Variants in PPP1R9A observed in about 807,000 individuals in gnomAD.
PPP1R9A encodes the protein protein phosphatase 1 regulatory subunit 9A, also known as neurabin-1.
In PPP1R9A, 59 loss-of-function variants were observed where a neutral mutation model predicts 141.9. The ratio of observed to expected loss-of-function variants is 0.42; its 90% CI spans 0.34 to 0.52. The LOEUF is 0.52. Ranked by LOEUF, PPP1R9A falls within the 20% of genes least tolerant of loss-of-function variation. The pLI, the probability that PPP1R9A is intolerant of heterozygous loss-of-function variation, is 0.10. For synonymous variants in PPP1R9A, 500 were observed against 569.7 expected, an observed-to-expected ratio of 0.88 and a Z score of 1.74; for missense variants, 1,444 against 1,611.9, an observed-to-expected ratio of 0.90 and a Z score of 1.78.
intron 2 of PPP1R9A, among the ~76,000 whole-genome samples, chr7:94,954,102 C>T (rs76095853): frequency 1.3e-5 from 2 of 151,374 alleles, no homozygotes; most frequent in East Asian, 1.9e-4. Flanking sequence ...GGGTTTTTTC[C>T]TTCTATTTTA....
At position 95,206,764 on chromosome 7, in the gene PPP1R9A, T is replaced by G. The variant is rs1293127163; in HGVS notation, c.1956+3034T>G. Among the ~76,000 whole-genome samples, 2 of 152,228 alleles carry G rather than the reference T, an allele frequency of 1.3e-5. 1 individual carries two copies. On this transcript the variant is annotated intron_variant, in intron 7 of 19. Coordinates refer to ENST00000433360, the MANE Select transcript of PPP1R9A (RefSeq NM_001166160.2). ...GAACTGCTTCTTTCACTCATCATAATGTCATAATTATCGTTAATGCTTAAA... is the reference window on the plus strand; with the variant it reads ...GAACTGCTTCTTTCACTCATCATAAGGTCATAATTATCGTTAATGCTTAAA...
At chr7:95,234,688 G>A (rs1175501744) in intron 8 of PPP1R9A, among the ~76,000 whole-genome samples, 2 of 151,968 alleles carry the variant, frequency 1.3e-5, no homozygotes, top group African/African-American at 2.4e-5. Context: ...AAATTCATAT[G>A]GAACCAAAAA....
chr7:94,951,736 C>G (rs1485574573), intron 2 of PPP1R9A, among the ~76,000 whole-genome samples: 1 of 151,828 alleles, frequency 6.6e-6, no homozygotes, highest in Non-Finnish European at 1.5e-5. Flanking sequence ...CTAGAATGAC[C>G]TGAGGAATGT....
At chr7:95,095,102 T>A (rs1330429482) in intron 2 of PPP1R9A, among the ~76,000 whole-genome samples, 1 of 152,048 alleles carries the variant, frequency 6.6e-6, no homozygotes, top group Non-Finnish European at 1.5e-5. Context: ...TGAGGTGCTA[T>A]CAAGTCACCT....
chr7:95,261,898 G>A (rs771604232), intron 12 of PPP1R9A, among the ~76,000 whole-genome samples: 9 of 152,058 alleles, frequency 5.9e-5, no homozygotes, highest in Non-Finnish European at 1.3e-4. Flanking sequence ...ATTTTCTAAT[G>A]CTTTACATAA....
chr7:95,221,919 G>A (rs575041256), intron 7 of PPP1R9A, among the ~76,000 whole-genome samples: 3 of 152,138 alleles, frequency 2.0e-5, no homozygotes, highest in South Asian at 4.1e-4. Context: ...TAAAAGATGA[G>A]CAAATAAATG....
intron 2 of PPP1R9A, among the ~76,000 whole-genome samples, chr7:95,012,802 CA>C (rs1804608625): frequency 6.6e-6 from 1 of 152,146 alleles, no homozygotes; most frequent in African/African-American, 2.4e-5. Flanking sequence ...AAGTAGATTA[CA>C]TTAATATGTA....
intron 2 of PPP1R9A, among the ~76,000 whole-genome samples, chr7:95,023,419 A>G (rs1479096850): frequency 6.6e-6 from 1 of 152,074 alleles, no homozygotes. Context: ...TCTTTTCAAA[A>G]ATGCAGCTCC....
At chr7:95,234,380 A>G (rs1182844293) in intron 8 of PPP1R9A, among the ~76,000 whole-genome samples, 1 of 152,192 alleles carries the variant, frequency 6.6e-6, no homozygotes, top group Non-Finnish European at 1.5e-5. Context: ...CTATACACCA[A>G]CAGCGACCAA....
At chr7:95,241,681 C>A (rs1055324466) in intron 8 of PPP1R9A, among the ~76,000 whole-genome samples, 1 of 151,856 alleles carries the variant, frequency 6.6e-6, no homozygotes, top group Admixed American at 6.6e-5. Flanking sequence ...TAAAAAAATT[C>A]GACATTTCTC....
At chr7:94,934,938 A>G (rs192823224) in intron 2 of PPP1R9A, among the ~76,000 whole-genome samples, 30 of 152,156 alleles carry the variant, frequency 2.0e-4, no homozygotes, top group Middle Eastern at 6.8e-3. Flanking sequence ...AATTCACTGA[A>G]GCTTCAAACT....
chr7:95,223,278 C>T (rs772889176), intron 7 of PPP1R9A, among the ~76,000 whole-genome samples: 6 of 151,942 alleles, frequency 3.9e-5, no homozygotes, highest in Non-Finnish European at 7.4e-5. Flanking sequence ...TCAAGAAGAA[C>T]GCTTAACAAC....
intron 5 of PPP1R9A, among the ~76,000 whole-genome samples, chr7:95,194,648 A>T (rs1459273769): frequency 6.6e-6 from 1 of 151,954 alleles, no homozygotes; most frequent in Non-Finnish European, 1.5e-5. Flanking sequence ...TTCAAAGATC[A>T]ATTATATGTC....
At chr7:95,175,817 A>G (rs1269725895) in intron 5 of PPP1R9A, among the ~76,000 whole-genome samples, 3 of 152,184 alleles carry the variant, frequency 2.0e-5, no homozygotes, top group Non-Finnish European at 4.4e-5. Context: ...ACAGGGAACC[A>G]TATAACTTCT....
At chr7:95,184,427 C>A (rs1273089670) in intron 5 of PPP1R9A, among the ~76,000 whole-genome samples, 1 of 151,994 alleles carries the variant, frequency 6.6e-6, no homozygotes, top group African/African-American at 2.4e-5. Context: ...GTAACTATAT[C>A]CTGGTGTAGC....
At chr7:94,956,141 C>T (rs1797048647) in intron 2 of PPP1R9A, among the ~76,000 whole-genome samples, 1 of 152,088 alleles carries the variant, frequency 6.6e-6, no homozygotes, top group South Asian at 2.1e-4. Context: ...TTTCTGTAGG[C>T]ATGTTTAATT....
Position 95,258,638 on chromosome 7 carries a change from A to G in PPP1R9A, c.2665+6508A>G, listed in dbSNP as rs552986977. The stretch of plus-strand genomic sequence containing the variant: ...TAAGAAAAAAATATTGTTGTCCACA[A>G]TAAATTAAGAACTCACATAAATCAT... On this transcript the variant is annotated intron_variant, in intron 12 of 19. Coordinates refer to ENST00000433360, the MANE Select transcript of PPP1R9A (RefSeq NM_001166160.2). Among the ~76,000 whole-genome samples, 32 of 152,336 alleles carry G rather than the reference A, an allele frequency of 2.1e-4. No homozygotes were observed. In the South Asian group the frequency reaches 6.4e-3, roughly 31 times the overall value.
At chr7:95,250,475 A>G (rs1238750854) in intron 10 of PPP1R9A, among the ~76,000 whole-genome samples, 2 of 152,188 alleles carry the variant, frequency 1.3e-5, no homozygotes, top group Non-Finnish European at 2.9e-5. Context: ...TTTGGCTGCC[A>G]GGGCCTCTTT....
At chr7:95,054,194 C>T (rs1384323229) in intron 2 of PPP1R9A, among the ~76,000 whole-genome samples, 1 of 150,532 alleles carries the variant, frequency 6.6e-6, no homozygotes. Flanking sequence ...TGGCTGACTG[C>T]AACCTCTGCC....
Sources: allele counts gnomAD v4.1 joint callset (sites outside exome capture counted in the v4.1 genomes callset), GRCh38; gene constraint gnomAD v4.1.1; transcripts MANE v1.5; gene names NCBI Gene and HGNC (gene_info 2026-07-23, HGNC 2026-07-21).